Variants in DMD observed in about 807,000 individuals in gnomAD.
DMD encodes dystrophin.
Under a neutral mutation model 330.1 loss-of-function variants are expected in DMD, and 63 were observed. The ratio of observed to expected loss-of-function variants is 0.19; its 90% CI spans 0.16 to 0.24. The LOEUF is 0.24. DMD is among the 10% of genes least tolerant of loss of function. The pLI is 1.00. For synonymous variants in DMD, 1,223 were observed against 959.8 expected, an observed-to-expected ratio of 1.27 and a Z score of -5.07; for missense variants, 3,344 against 2,684.1, an observed-to-expected ratio of 1.25 and a Z score of -5.43.
chrX:32,562,398 T>C (rs141512145), intron 16 of DMD, among the ~76,000 whole-genome samples: 2,904 of 112,326 alleles, frequency 0.026, 84 homozygotes, highest in African/African-American at 0.089. Context: ...AGGTCAAAAA[T>C]GCCTCAAAGC....
intron 18 of DMD, among the ~76,000 whole-genome samples, chrX:32,504,130 A>G (rs1162150528): frequency 1.8e-5 from 2 of 112,137 alleles, no homozygotes; most frequent in Non-Finnish European, 3.8e-5. Flanking sequence ...ATCTACATGC[A>G]AAAAAGTTTA....
At position 32,252,697 on chromosome X, in the gene DMD, A is replaced by AAT. The variant is rs1351694252; in HGVS notation, c.6290+34830_6290+34831dup. 2.1e-3 allele frequency among the ~76,000 whole-genome samples: 88 copies of AAT among 41,876 alleles called. 1 individual carries two copies. The highest frequency in any genetic ancestry group is 4.0e-3 in the African/African-American group (43 of 10,749). 36.4% of individuals were successfully genotyped at this position (41,876 alleles called of 115,157 possible). A position where few individuals can be genotyped will look rare whatever the true frequency, so the allele number is the denominator to read the frequency against. Reference sequence around the variant, plus strand: ...ATATAAATATATAAATATATATATAAATATATATAAATATATAAATATATA... The same window carrying AAT: ...ATATAAATATATAAATATATATATAAATATATATATAAATATATAAATATATA... On this transcript the variant is annotated intron_variant, in intron 43 of 78. Coordinates refer to ENST00000357033, the MANE Select transcript of DMD (RefSeq NM_004006.3).
intron 38 of DMD, among the ~76,000 whole-genome samples, chrX:32,346,401 T>A (rs781051725): frequency 3.5e-4 from 39 of 111,389 alleles, no homozygotes; most frequent in Non-Finnish European, 6.0e-4. Flanking sequence ...TTAGTGTAGT[T>A]CTAGAAATTA....
intron 2 of DMD, among the ~76,000 whole-genome samples, chrX:32,932,828 G>A (rs894681216): frequency 3.6e-5 from 4 of 111,949 alleles, no homozygotes; most frequent in African/African-American, 1.3e-4. Context: ...TTCTTTTTAC[G>A]TGCAAAACTT....
intron 2 of DMD, among the ~76,000 whole-genome samples, chrX:32,956,877 T>C (rs1423156137): frequency 8.9e-6 from 1 of 111,776 alleles, no homozygotes; most frequent in Non-Finnish European, 1.9e-5. Flanking sequence ...AAGCTTTTTA[T>C]ATTTTTGGCC....
intron 59 of DMD, among the ~76,000 whole-genome samples, chrX:31,474,736 A>G: frequency 9.4e-6 from 1 of 106,450 alleles, no homozygotes; most frequent in African/African-American, 3.5e-5. Flanking sequence ...ATAAAATAAA[A>G]TAAAATAAAA....
chrX:33,259,608 C>G (rs1275481530), intron 1 of DMD, among the ~76,000 whole-genome samples: 6 of 71,752 alleles, frequency 8.4e-5, no homozygotes, highest in Non-Finnish European at 1.6e-4. Flanking sequence ...CCCCCCCCCC[C>G]CAAAAAAAAA....
intron 47 of DMD, among the ~76,000 whole-genome samples, chrX:31,926,170 T>C (rs1158315282): frequency 9.0e-6 from 1 of 111,471 alleles, no homozygotes; most frequent in Non-Finnish European, 1.9e-5. Flanking sequence ...CCCCACTTTG[T>C]GGCTCTTACG....
intron 2 of DMD, among the ~76,000 whole-genome samples, chrX:32,906,405 C>G (rs1232657646): frequency 2.7e-5 from 3 of 112,044 alleles, no homozygotes; most frequent in Non-Finnish European, 1.9e-5. Flanking sequence ...CGTGAACCAA[C>G]TAAACGTCTT....
At chrX:31,642,977 A>G (rs938506397) in intron 54 of DMD, among the ~76,000 whole-genome samples, 4 of 111,941 alleles carry the variant, frequency 3.6e-5, no homozygotes, top group Non-Finnish European at 7.5e-5. Context: ...TTTCAAAAAC[A>G]TCACAGGTCT....
intron 57 of DMD, among the ~76,000 whole-genome samples, chrX:31,486,791 T>C (rs2146953285): frequency 8.9e-6 from 1 of 112,443 alleles, no homozygotes; most frequent in East Asian, 2.8e-4. Flanking sequence ...CTGTGTTATT[T>C]CTACCTTATT....
At chrX:31,151,234 A>G (rs1399259359) in intron 74 of DMD, among the ~76,000 whole-genome samples, 1 of 112,626 alleles carries the variant, frequency 8.9e-6, no homozygotes, top group Non-Finnish European at 1.9e-5. Flanking sequence ...AATGTTCACA[A>G]GGTCTCATTC....
intron 66 of DMD, 31 bp downstream of exon 66, chrX:31,206,551 A>C (rs763171374): frequency 8.8e-7 from 1 of 1,139,213 alleles, no homozygotes; most frequent in East Asian, 3.0e-5. Context: ...AACATTAATA[A>C]AAGAATACAG....
At position 31,266,963 on chromosome X, in the gene DMD, C is replaced by G. The variant is rs1224772889; in HGVS notation, c.9225-5947G>C. On this transcript the variant is annotated intron_variant, in intron 62 of 78. Transcript: ENST00000357033. ...ACAGCTGAAAGCACTGCGGAGGAGC[C>G]GGCGCGGGCGGGCCGGGGAGGGGGC... The G allele has an allele frequency of 2.6e-5, 27 of 1,049,301 alleles. No individual in the cohort carries two copies. In the South Asian group the frequency reaches 4.2e-4, roughly 16 times the overall value. 86.5% of individuals were successfully genotyped at this position (1,049,301 alleles called of 1,213,427 possible).
chrX:32,259,134 T>G (rs2097311381), intron 43 of DMD, among the ~76,000 whole-genome samples: 1 of 110,178 alleles, frequency 9.1e-6, no homozygotes, highest in Non-Finnish European at 1.9e-5. Context: ...AATCTTGTTT[T>G]GCCAGTGTAG....
At chrX:33,305,715 CT>C (rs2053752077) in intron 1 of DMD, among the ~76,000 whole-genome samples, 1 of 110,442 alleles carries the variant, frequency 9.1e-6, no homozygotes, top group South Asian at 3.9e-4. Flanking sequence ...CAAGAGTATT[CT>C]CTTATCATTT....
At chrX:31,371,027 G>A (rs191531755) in intron 60 of DMD, among the ~76,000 whole-genome samples, 15 of 111,508 alleles carry the variant, frequency 1.3e-4, no homozygotes, top group Non-Finnish European at 2.4e-4. Context: ...GGAGGTAGGG[G>A]GGGCAGGGAA....
At chrX:32,456,598 GTGTGTGTGTGTGTGTGTGTA>G (rs1390644958) in intron 25 of DMD, among the ~76,000 whole-genome samples, 191 of 103,396 alleles carry the variant, frequency 1.8e-3, no homozygotes, top group African/African-American at 6.6e-3. Context: ...GTGTGTGTGT[GTGTGTGTGTGTGTGTGTGTA>G]TGTGTGTGTG....
At chrX:31,499,297 G>C (rs1216503919) in intron 56 of DMD, among the ~76,000 whole-genome samples, 1 of 110,859 alleles carries the variant, frequency 9.0e-6, no homozygotes, top group Non-Finnish European at 1.9e-5. Context: ...TTGTGGCAGA[G>C]AGGTCTAGAG....
Sources: gnomAD v4.1 joint callset for allele counts (sites outside exome capture counted in the v4.1 genomes callset) on GRCh38, gnomAD v4.1.1 for gene constraint, MANE v1.5 for transcripts, NCBI Gene and HGNC (gene_info 2026-07-23, HGNC 2026-07-21) for gene names.